DPP6: variants seen among roughly 807,000 people sequenced by gnomAD.
DPP6 encodes A-type potassium channel modulatory protein DPP6.
In DPP6, 69 loss-of-function variants were observed where a neutral mutation model predicts 122.6. The observed-to-expected ratio is 0.56, with a 90% CI of 0.46 to 0.69. The LOEUF (loss-of-function observed/expected upper bound fraction) is 0.69, where lower values mean the gene tolerates loss of function less well. Among genes scored for constraint, DPP6 ranks in the 30% least tolerant of loss-of-function variants. The pLI is 0.00. For missense variants in DPP6, 928 were observed against 1,116.9 expected (o/e 0.83, Z 2.41); for synonymous variants, 418 against 433.1 (o/e 0.97, Z 0.43).
the DPP6 span, among the ~76,000 whole-genome samples, chr7:153,843,288 A>C: frequency 6.6e-6 from 1 of 152,128 alleles, no homozygotes; most frequent in Non-Finnish European, 1.5e-5. Flanking sequence ...GCGCACACAC[A>C]CACACACACA....
At chr7:153,970,865 C>T (rs1795984520) in intron 1 of DPP6, among the ~76,000 whole-genome samples, 1 of 152,150 alleles carries the variant, frequency 6.6e-6, no homozygotes, top group Non-Finnish European at 1.5e-5. Flanking sequence ...ACCTTTGCAA[C>T]ATTATTACAG....
intron 1 of DPP6, among the ~76,000 whole-genome samples, chr7:153,958,583 G>T (rs890642535): frequency 7.2e-5 from 11 of 152,096 alleles, no homozygotes; most frequent in African/African-American, 2.7e-4. Flanking sequence ...CATATACTGG[G>T]TACACTGATT....
chr7:153,820,326 G>C, the DPP6 span, among the ~76,000 whole-genome samples: 1 of 152,314 alleles, frequency 6.6e-6, no homozygotes, highest in South Asian at 2.1e-4. Flanking sequence ...TCTTCCAGCT[G>C]CTATAGCAAA....
At chr7:153,840,870 A>G in the DPP6 span, among the ~76,000 whole-genome samples, 1 of 152,200 alleles carries the variant, frequency 6.6e-6, no homozygotes, top group East Asian at 1.9e-4. Flanking sequence ...TCCTTACTTA[A>G]TATAAAAAGA....
chr7:154,706,702 G>A (rs1035254027), intron 7 of DPP6, among the ~76,000 whole-genome samples: 5 of 152,196 alleles, frequency 3.3e-5, no homozygotes, highest in Admixed American at 1.3e-4. Context: ...CACTGAACAC[G>A]TACTATCAAA....
upstream of DPP6, among the ~76,000 whole-genome samples, chr7:153,883,353 C>T (rs1221520342): frequency 6.6e-6 from 1 of 151,670 alleles, no homozygotes; most frequent in Non-Finnish European, 1.5e-5. Flanking sequence ...AGCACTTTTT[C>T]CTTACACTTA....
the DPP6 span, among the ~76,000 whole-genome samples, chr7:153,819,077 CTTTT>C: frequency 1.0e-5 from 1 of 99,868 alleles, no homozygotes; most frequent in East Asian, 2.9e-4. Flanking sequence ...CTTTTCTTTT[CTTTT>C]TTTTTTTTTT....
At chr7:153,975,857 G>T (rs961260206) in intron 1 of DPP6, among the ~76,000 whole-genome samples, 1 of 152,202 alleles carries the variant, frequency 6.6e-6, no homozygotes, top group East Asian at 1.9e-4. Flanking sequence ...ATGTGAGGTC[G>T]GAGGCAACTT....
Position 154,308,255 on chromosome 7 carries a change from GA to G in DPP6, c.244-137949del, listed in dbSNP as rs5888567. 7.7e-3 allele frequency among the ~76,000 whole-genome samples: 1,136 copies of G among 146,582 alleles called. 19 individuals carry two copies. Among genetic ancestry groups the G allele is most frequent in the African/African-American group, 0.026 (1,034 of 39,656 alleles). On this transcript the variant is annotated intron_variant, in intron 1 of 25. Transcript: ENST00000377770. ...TGGCCACAAATTAGGGGGGAAATTA[GA>G]AAAAAAAAAGATTTTACTATTAGTT... is the stretch of plus-strand genomic sequence containing the variant.
Position 154,772,865 on chromosome 7 carries a change from C to G in DPP6, c.1059C>G (p.Ser353Arg), listed in dbSNP as rs776476825. 1 of 1,612,344 alleles carries G rather than the reference C, an allele frequency of 6.2e-7. No individual in the cohort carries two copies. Among genetic ancestry groups the G allele is most frequent in the East Asian group, 2.2e-5 (1 of 44,738 alleles). Reference protein sequence around the residue: ...HYPKAGSENPSISLHVIGLNG... With the variant: ...HYPKAGSENPRISLHVIGLNG... ...CCCAGGCTGGAAGTGAGAACCCCAG[C>G]ATTTCCCTACACGTTATTGGCTTAA... Residue 353 changes from serine (S) to arginine (R), a missense_variant, in exon 10 of 26, where the codon AGC (serine) becomes AGG (arginine). By Grantham distance (110) the Ser-to-Arg change is moderately radical. Transcript: ENST00000377770.
At chr7:154,118,021 A>G (rs570248975) in intron 1 of DPP6, among the ~76,000 whole-genome samples, 13 of 151,050 alleles carry the variant, frequency 8.6e-5, no homozygotes, top group African/African-American at 3.2e-4. Context: ...GTTGAGATTG[A>G]ACTTGCCAAA....
At chr7:153,778,607 A>C in the DPP6 span, among the ~76,000 whole-genome samples, 1 of 150,910 alleles carries the variant, frequency 6.6e-6, no homozygotes, top group Non-Finnish European at 1.5e-5. Context: ...CATGATAATC[A>C]AGAGAAAGAA....
chr7:153,922,382 C>A (rs922521107), intron 1 of DPP6, among the ~76,000 whole-genome samples: 1 of 151,948 alleles, frequency 6.6e-6, no homozygotes, highest in African/African-American at 2.4e-5. Context: ...TTTTGTATTC[C>A]CAGCTGCTTG....
the DPP6 span, among the ~76,000 whole-genome samples, chr7:153,863,208 A>G: frequency 6.6e-6 from 1 of 152,186 alleles, no homozygotes; most frequent in African/African-American, 2.4e-5. Flanking sequence ...AAAACCTTGT[A>G]AGCACTGACA....
intron 6 of DPP6, among the ~76,000 whole-genome samples, chr7:154,641,918 C>A (rs1028652955): frequency 3.9e-5 from 6 of 152,194 alleles, no homozygotes; most frequent in Admixed American, 3.3e-4. Context: ...ACTTTGCTTA[C>A]CTACTCGTAA....
the DPP6 span, among the ~76,000 whole-genome samples, chr7:153,749,894 T>C: frequency 6.6e-6 from 1 of 152,248 alleles, no homozygotes; most frequent in Non-Finnish European, 1.5e-5. This position sits in a 1 kb window ranked among gnomAD's most constrained non-coding sequence, Gnocchi z 4.1. Flanking sequence ...CTGTGGAGCT[T>C]AGTCCTTGAT....
intron 1 of DPP6, among the ~76,000 whole-genome samples, chr7:154,144,685 CCAGTCTG>C (rs1215484237): frequency 6.6e-6 from 1 of 152,018 alleles, no homozygotes; most frequent in Non-Finnish European, 1.5e-5. Flanking sequence ...GCCCTCACCT[CCAGTCTG>C]ACTGTATTTG....
At chr7:154,473,498 GA>G (rs1192638302) in intron 2 of DPP6, among the ~76,000 whole-genome samples, 1 of 152,124 alleles carries the variant, frequency 6.6e-6, no homozygotes, top group Non-Finnish European at 1.5e-5. Context: ...ATGCACAAAG[GA>G]ATACATGACT....
intron 1 of DPP6, among the ~76,000 whole-genome samples, chr7:154,445,331 T>G (rs1236457876): frequency 6.6e-6 from 1 of 152,200 alleles, no homozygotes; most frequent in Non-Finnish European, 1.5e-5. Context: ...CATGTGTAAC[T>G]ATTATATTTA....
Sources: gnomAD v4.1 joint callset for allele counts (sites outside exome capture counted in the v4.1 genomes callset) on GRCh38, gnomAD v4.1.1 for gene constraint, Gnocchi (gnomAD v3.1) non-coding constraint, MANE v1.5 for transcripts, NCBI Gene and HGNC (gene_info 2026-07-23, HGNC 2026-07-21) for gene names.